ARHGAP21: variants seen among roughly 807,000 people sequenced by gnomAD.
ARHGAP21 encodes Rho GTPase activating protein 21, also known as rho GTPase-activating protein 21.
A neutral mutation model predicts 164.6 loss-of-function variants in ARHGAP21; 38 were observed. The ratio of observed to expected loss-of-function variants is 0.23; its 90% CI spans 0.18 to 0.30. ARHGAP21 has a LOEUF of 0.30. ARHGAP21 is among the 10% of genes least tolerant of loss of function. The probability of loss-of-function intolerance (pLI) is 1.00; values close to 1 mark genes in which losing one functional copy is unlikely to be tolerated. For synonymous variants in ARHGAP21, 766 were observed against 857.9 expected (o/e 0.89, Z 1.87); for missense variants, 1,822 against 2,370.7 (o/e 0.77, Z 4.81).
At chr10:24,590,634 G>A (rs1348614929) in intron 24 of ARHGAP21, 14 of 1,396,338 alleles carry the variant, frequency 1.0e-5, no homozygotes, top group Non-Finnish European at 1.1e-5. Context: ...CATCAAAAGA[G>A]CCTAGAAGAA....
chr10:24,610,415 A>C (rs2131031522), intron 9 of ARHGAP21, among the ~76,000 whole-genome samples: 1 of 152,088 alleles, frequency 6.6e-6, no homozygotes, highest in Admixed American at 6.5e-5. Flanking sequence ...CTTCACTAAA[A>C]GACCCAGAGC....
chr10:24,602,994 G>A (rs1327913988), intron 12 of ARHGAP21, among the ~76,000 whole-genome samples: 2 of 152,228 alleles, frequency 1.3e-5, no homozygotes, highest in South Asian at 2.1e-4. Flanking sequence ...GGGTAACTGC[G>A]GTCTAATCAT....
chr10:24,607,123 A>G (rs2077059499), intron 11 of ARHGAP21, among the ~76,000 whole-genome samples: 1 of 152,192 alleles, frequency 6.6e-6, no homozygotes, highest in South Asian at 2.1e-4. Context: ...TGTCTATACC[A>G]TGTGTCATTT....
At chr10:24,666,874 A>G (rs1840245933) in intron 4 of ARHGAP21, 111 bp downstream of exon 4, 2 of 724,498 alleles carry the variant, frequency 2.8e-6, no homozygotes, top group Non-Finnish European at 4.4e-6. Flanking sequence ...CCTAAGAACT[A>G]TTATATATTT....
intron 2 of ARHGAP21, among the ~76,000 whole-genome samples, 164 bp downstream of exon 2, chr10:24,721,673 C>T (rs895039176): frequency 1.3e-5 from 2 of 152,230 alleles, no homozygotes; most frequent in Admixed American, 1.3e-4. Context: ...CAGACGTGGG[C>T]CAGGCTTCTC....
intron 2 of ARHGAP21, among the ~76,000 whole-genome samples, chr10:24,690,044 GTCTT>G (rs1459422048): frequency 2.3e-4 from 35 of 151,646 alleles, no homozygotes; most frequent in African/African-American, 8.5e-4. Context: ...TTTTATGTAA[GTCTT>G]TCCATATCAA....
At chr10:24,675,545 T>G (rs1841132864) in intron 2 of ARHGAP21, among the ~76,000 whole-genome samples, 1 of 152,078 alleles carries the variant, frequency 6.6e-6, no homozygotes, top group South Asian at 2.1e-4. Context: ...AACTGTACAG[T>G]TTACACATGT....
chr10:24,670,211 C>A lies in ARHGAP21; in HGVS notation c.243+7G>T, dbSNP rs904377128. On this transcript the variant is annotated splice_region_variant and intron_variant, in intron 3 of 25. Transcript: ENST00000396432. Reference sequence around the variant, plus strand: ...TTTTTTCAAGTTGCGGTAACTATTTCTCTTACCTTATATGAAAATTGAATT... The same window carrying A: ...TTTTTTCAAGTTGCGGTAACTATTTATCTTACCTTATATGAAAATTGAATT... The A allele has an allele frequency of 2.6e-6, 4 of 1,567,844 alleles. No homozygotes were observed. The Admixed American group carries it at 7.0e-5, about 28-fold the overall frequency.
Position 24,633,316 on chromosome 10 carries a change from T to G in ARHGAP21, c.440+86A>C, listed in dbSNP as rs575017264. On this transcript the variant is annotated intron_variant, in intron 6 of 25. Coordinates refer to ENST00000396432, the MANE Select transcript of ARHGAP21 (RefSeq NM_020824.4). Reference sequence around the variant, plus strand: ...ACATCTCCTTGTCACCACAATTCCTTGTAAGAATAGAAGATTGTATTAAAT... The same window carrying G: ...ACATCTCCTTGTCACCACAATTCCTGGTAAGAATAGAAGATTGTATTAAAT... The G allele has an allele frequency of 2.7e-5, 26 of 973,168 alleles. No homozygotes were observed. In the Admixed American group the frequency reaches 4.3e-4, roughly 16 times the overall value. 60.3% of individuals were successfully genotyped at this position (973,168 alleles called of 1,614,324 possible).
In ARHGAP21 at chr10:24,597,537, T is replaced by C. The variant is rs1229666196; in HGVS notation, c.3244A>G (p.Arg1082Gly). The stretch of plus-strand genomic sequence containing the variant: ...GATTTAGCACCAAGCAAAGTTTGCC[T>C]GATGCTGAGACTCTGGCGAGGTGTT... The part of the protein sequence containing the change: ...PKTPRQSLSI[R>G]QTLLGAKSEP... The change falls in exon 16 of 26, where the codon AGG (arginine) becomes GGG (glycine). Residue 1082 changes from arginine to glycine, a missense_variant. By Grantham distance (125) the Arg-to-Gly change is moderately radical. Coordinates refer to ENST00000396432, the MANE Select transcript of ARHGAP21 (RefSeq NM_020824.4). 1.2e-6 allele frequency: 2 copies of C among 1,614,152 alleles called. No individual in the cohort carries two copies. Among genetic ancestry groups the C allele is most frequent in the African/African-American group, 1.3e-5 (1 of 75,056 alleles).
chr10:24,600,930 G>A lies in ARHGAP21; in HGVS notation c.2848C>T (p.Arg950Ter), dbSNP rs756513348. ...FRPLVTDKGK[R>*]VGGSIRPWKQ... Reference sequence around the variant, plus strand: ...CATGGCCGAATACTTCCACCAACTCGCTAGAAAACATGCGACAGTTCTTTA... The same window carrying A: ...CATGGCCGAATACTTCCACCAACTCACTAGAAAACATGCGACAGTTCTTTA... The change falls in exon 14 of 26, where the codon CGA (arginine) becomes TGA (stop). Residue 950 changes from arginine (R) to a stop codon, truncating the protein, a stop_gained and splice_region_variant. Coordinates refer to ENST00000396432, the MANE Select transcript of ARHGAP21 (RefSeq NM_020824.4). LOFTEE classifies it high-confidence loss of function. 3 of 1,607,868 alleles carry A rather than the reference G, an allele frequency of 1.9e-6. No homozygotes were observed. Among genetic ancestry groups the A allele is most frequent in the Non-Finnish European group, 1.7e-6 (2 of 1,175,322 alleles).
intron 4 of ARHGAP21, among the ~76,000 whole-genome samples, chr10:24,663,360 C>T (rs189155756): frequency 2.5e-4 from 38 of 152,230 alleles, no homozygotes; most frequent in Admixed American, 9.2e-4. Flanking sequence ...AAAAGATCAC[C>T]GGATATGCAG....
At chr10:24,652,066 A>G (rs1332997982) in intron 4 of ARHGAP21, among the ~76,000 whole-genome samples, 4 of 152,228 alleles carry the variant, frequency 2.6e-5, no homozygotes, top group African/African-American at 9.6e-5. Context: ...TCTGGGACAC[A>G]TGCAATCTCC....
At chr10:24,675,064 C>G (rs1416490194) in intron 2 of ARHGAP21, among the ~76,000 whole-genome samples, 2 of 152,114 alleles carry the variant, frequency 1.3e-5, no homozygotes, top group African/African-American at 4.8e-5. Flanking sequence ...CATATGACAC[C>G]GCCATTCTAC....
At chr10:24,715,928 G>C (rs1409651783) in intron 2 of ARHGAP21, among the ~76,000 whole-genome samples, 1 of 152,180 alleles carries the variant, frequency 6.6e-6, no homozygotes, top group African/African-American at 2.4e-5. Flanking sequence ...AGAATCACTT[G>C]AGCCTGGGAG....
chr10:24,585,737 T>G lies in ARHGAP21; in HGVS notation c.4552A>C (p.Ser1518Arg), dbSNP rs1371424309. The change falls in exon 26 of 26, where the codon AGC (serine) becomes CGC (arginine). Residue 1518 changes from serine to arginine, a missense_variant. Physicochemically the swap from Ser to Arg is moderately radical, Grantham distance 110 (BLOSUM62 -1). Transcript: ENST00000396432. The stretch of plus-strand genomic sequence containing the variant: ...TCTTTCAGGATGGCAAAGCGACAGC[T>G]GAGAGTTGGTGACTTGTTGTGTTTT... ...NSKHNKSPTLSCRFAILKESP... is the reference protein window; with the variant it reads ...NSKHNKSPTLRCRFAILKESP... The G allele has an allele frequency of 6.2e-7, 1 of 1,614,034 alleles. No homozygotes were observed. The highest frequency in any genetic ancestry group is 2.2e-5 in the East Asian group (1 of 44,876).
At chr10:24,592,048 T>C (rs1406684331) in intron 21 of ARHGAP21, 36 bp from the exon 22 acceptor site, 1 of 1,503,980 alleles carries the variant, frequency 6.6e-7, no homozygotes. Context: ...ATACCAGAAT[T>C]TTTCTTAAGG....
intron 4 of ARHGAP21, among the ~76,000 whole-genome samples, chr10:24,666,093 G>T (rs558542698): frequency 1.1e-4 from 17 of 152,024 alleles, no homozygotes; most frequent in Non-Finnish European, 1.8e-4. Flanking sequence ...GCAGTGGAGC[G>T]ATCTCGGCTC....
chr10:24,589,563 AGAAACACTC>A, intron 24 of ARHGAP21: 1 of 415,158 alleles, frequency 2.4e-6, no homozygotes, highest in Non-Finnish European at 4.3e-6. Flanking sequence ...AAACAAAAAC[AGAAACACTC>A]GTGTTTATTA....
Sources: allele counts gnomAD v4.1 joint callset (sites outside exome capture counted in the v4.1 genomes callset), GRCh38; gene constraint gnomAD v4.1.1; transcripts MANE v1.5; gene names NCBI Gene and HGNC (gene_info 2026-07-23, HGNC 2026-07-21).